Variants in GALNT13 observed in about 807,000 individuals in gnomAD.
The protein encoded by GALNT13 is polypeptide N-acetylgalactosaminyltransferase 13, also known as UDP-GalNAc:polypeptide N-acetylgalactosaminyltransferase 13.
In GALNT13, 28 loss-of-function variants were observed where a neutral mutation model predicts 64.2. The ratio of observed to expected loss-of-function variants is 0.44; its 90% CI spans 0.32 to 0.60. GALNT13 has a LOEUF of 0.60. Among genes scored for constraint, GALNT13 ranks in the 20% least tolerant of loss-of-function variants. The probability of loss-of-function intolerance (pLI) is 0.05; values close to 1 mark genes in which losing one functional copy is unlikely to be tolerated. For missense variants in GALNT13, 577 were observed against 669.8 expected (o/e 0.86, Z 1.53); for synonymous variants, 214 against 224.6 (o/e 0.95, Z 0.42).
At chr2:153,204,368 G>T in the GALNT13 span, among the ~76,000 whole-genome samples, 2 of 151,910 alleles carry the variant, frequency 1.3e-5, no homozygotes, top group Non-Finnish European at 2.9e-5. Flanking sequence ...CAGAAGAAAG[G>T]CTTCTGTTTC....
At chr2:153,280,122 C>G in the GALNT13 span, among the ~76,000 whole-genome samples, 26 of 152,154 alleles carry the variant, frequency 1.7e-4, 1 homozygote, top group South Asian at 4.4e-3. Flanking sequence ...AGGAATGTAT[C>G]CATTTCCTCT....
the GALNT13 span, among the ~76,000 whole-genome samples, chr2:153,255,318 C>T: frequency 2.2e-5 from 3 of 139,484 alleles, no homozygotes; most frequent in Admixed American, 7.2e-5. Context: ...TTTCCATTTG[C>T]TTGGTAGATC....
At chr2:153,827,529 C>T in the GALNT13 span, among the ~76,000 whole-genome samples, 11,559 of 145,860 alleles carry the variant, frequency 0.079, 522 homozygotes, top group African/African-American at 0.12. Context: ...GGAGGCTGAG[C>T]GGGGGAGAAT....
At chr2:153,250,978 G>T in the GALNT13 span, among the ~76,000 whole-genome samples, 283 of 152,244 alleles carry the variant, frequency 1.9e-3, 2 homozygotes, top group African/African-American at 6.5e-3. Flanking sequence ...AACAACCATG[G>T]CATATGTATA....
intron 3 of GALNT13, among the ~76,000 whole-genome samples, chr2:154,051,778 A>G (rs1409382313): frequency 6.6e-6 from 1 of 152,164 alleles, no homozygotes; most frequent in African/African-American, 2.4e-5. Flanking sequence ...AGATAAACAT[A>G]TTGTAAATTC....
the GALNT13 span, among the ~76,000 whole-genome samples, chr2:153,191,540 G>A: frequency 6.6e-6 from 1 of 151,934 alleles, no homozygotes; most frequent in Non-Finnish European, 1.5e-5. Context: ...TTTTAGTCAT[G>A]TCCTTGTCTG....
chr2:153,588,933 A>T, the GALNT13 span, among the ~76,000 whole-genome samples: 1 of 152,088 alleles, frequency 6.6e-6, no homozygotes, highest in South Asian at 2.1e-4. Context: ...TTGGGAGGCC[A>T]AGGCAGGTGG....
At chr2:153,208,347 C>T in the GALNT13 span, among the ~76,000 whole-genome samples, 10 of 152,000 alleles carry the variant, frequency 6.6e-5, no homozygotes, top group South Asian at 4.2e-4. Context: ...GATCTTTGTA[C>T]GTATAGTTTT....
chr2:153,386,265 T>A, the GALNT13 span, among the ~76,000 whole-genome samples: 1 of 152,072 alleles, frequency 6.6e-6, no homozygotes, highest in African/African-American at 2.4e-5. Context: ...GATGGTTCAT[T>A]TCTAAGGCTT....
chr2:153,946,815 T>A (rs1271220343), intron 3 of GALNT13, among the ~76,000 whole-genome samples: 2 of 152,156 alleles, frequency 1.3e-5, no homozygotes, highest in Non-Finnish European at 2.9e-5. Flanking sequence ...ACTATTTGTC[T>A]GGAATAAATG....
chr2:154,043,783 C>A (rs973934622), intron 3 of GALNT13, among the ~76,000 whole-genome samples: 1 of 152,002 alleles, frequency 6.6e-6, no homozygotes, highest in Non-Finnish European at 1.5e-5. Flanking sequence ...GTGACCTACA[C>A]AAATATAAAA....
At chr2:153,783,752 AG>A in the GALNT13 span, among the ~76,000 whole-genome samples, 1 of 152,152 alleles carries the variant, frequency 6.6e-6, no homozygotes, top group African/African-American at 2.4e-5. Flanking sequence ...GGCTTTATAA[AG>A]GGCTTTTCCC....
At chr2:153,586,506 A>C in the GALNT13 span, among the ~76,000 whole-genome samples, 1 of 152,186 alleles carries the variant, frequency 6.6e-6, no homozygotes, top group Non-Finnish European at 1.5e-5. Context: ...ACACATATGC[A>C]GCCAACACTA....
the GALNT13 span, among the ~76,000 whole-genome samples, chr2:153,166,376 G>T: frequency 6.6e-6 from 1 of 152,176 alleles, no homozygotes; most frequent in African/African-American, 2.4e-5. Context: ...CTGCCATATT[G>T]TGGGCTGCCT....
the GALNT13 span, among the ~76,000 whole-genome samples, chr2:153,653,102 A>G: frequency 9.9e-5 from 15 of 152,272 alleles, no homozygotes; most frequent in Admixed American, 8.5e-4. Context: ...TCAGGCAGTC[A>G]GGTAATTTGA....
chr2:153,791,850 A>G, the GALNT13 span, among the ~76,000 whole-genome samples: 44 of 152,288 alleles, frequency 2.9e-4, 1 homozygote, highest in South Asian at 7.7e-3. Flanking sequence ...ACATGTTCTC[A>G]TTTATAAGTG....
At chr2:154,250,831 G>A (rs576627702) in intron 7 of GALNT13, among the ~76,000 whole-genome samples, 1 of 152,038 alleles carries the variant, frequency 6.6e-6, no homozygotes, top group South Asian at 2.1e-4. Flanking sequence ...TATCACCAAA[G>A]CCTTTAAAAC....
the GALNT13 span, among the ~76,000 whole-genome samples, chr2:153,277,435 T>A: frequency 6.6e-6 from 1 of 152,240 alleles, no homozygotes; most frequent in African/African-American, 2.4e-5. Context: ...TGTATGACAT[T>A]TTATTTACCC....
chr2:153,380,498 G>A, the GALNT13 span, among the ~76,000 whole-genome samples: 1 of 151,868 alleles, frequency 6.6e-6, no homozygotes, highest in Non-Finnish European at 1.5e-5. Context: ...TAAAGTATAT[G>A]GGAGGTTGTG....
Sources: gnomAD v4.1 joint callset for allele counts (sites outside exome capture counted in the v4.1 genomes callset) on GRCh38, gnomAD v4.1.1 for gene constraint, MANE v1.5 for transcripts, NCBI Gene and HGNC (gene_info 2026-07-23, HGNC 2026-07-21) for gene names.